The following SORCS3 variants were observed in gnomAD, a reference collection of about 807,000 sequenced individuals.
SORCS3 encodes the protein sortilin related VPS10 domain containing receptor 3, also known as VPS10 domain-containing receptor SorCS3.
In SORCS3, 57 loss-of-function variants were observed where a neutral mutation model predicts 146.3. The ratio of observed to expected loss-of-function variants is 0.39; its 90% CI spans 0.31 to 0.49. The LOEUF (loss-of-function observed/expected upper bound fraction) is 0.49, where lower values mean the gene tolerates loss of function less well. Among genes scored for constraint, SORCS3 ranks in the 20% least tolerant of loss-of-function variants. The pLI is 0.92. For synonymous variants in SORCS3, 653 were observed against 618.5 expected, an observed-to-expected ratio of 1.06 and a Z score of -0.83; for missense variants, 1,341 against 1,575.5, an observed-to-expected ratio of 0.85 and a Z score of 2.52.
At chr10:104,697,657 A>G (rs2016232378) in intron 1 of SORCS3, among the ~76,000 whole-genome samples, 1 of 152,142 alleles carries the variant, frequency 6.6e-6, no homozygotes, top group African/African-American at 2.4e-5. Context: ...TTTATGGATG[A>G]TCACAGGGCT....
intron 1 of SORCS3, among the ~76,000 whole-genome samples, chr10:104,765,531 C>T (rs2017169410): frequency 6.6e-6 from 1 of 152,162 alleles, no homozygotes; most frequent in South Asian, 2.1e-4. Context: ...TGGTACACAG[C>T]AGGTATTCAG....
At chr10:105,143,753 G>T (rs1010406279) in intron 8 of SORCS3, among the ~76,000 whole-genome samples, 5 of 152,152 alleles carry the variant, frequency 3.3e-5, no homozygotes, top group African/African-American at 1.2e-4. Flanking sequence ...TAAAGGAAAA[G>T]AGGAGTTTCA....
At chr10:104,810,978 G>A (rs1227473956) in intron 1 of SORCS3, among the ~76,000 whole-genome samples, 5 of 152,136 alleles carry the variant, frequency 3.3e-5, no homozygotes, top group African/African-American at 1.2e-4. Context: ...ACCACAAAGA[G>A]TGAATTGTAC....
chr10:105,207,520 TG>T (rs1339829973), intron 16 of SORCS3, among the ~76,000 whole-genome samples: 1 of 152,178 alleles, frequency 6.6e-6, no homozygotes, highest in Non-Finnish European at 1.5e-5. Context: ...TCAAACTTTC[TG>T]GTGCATTCTG....
chr10:104,662,538 A>G (rs937709797), intron 1 of SORCS3, among the ~76,000 whole-genome samples: 1 of 152,224 alleles, frequency 6.6e-6, no homozygotes, highest in Non-Finnish European at 1.5e-5. Context: ...GATGAGTTAC[A>G]GAGCCCACTT....
In SORCS3 at chr10:104,661,698, TAGAC is replaced by T. The variant is rs1169860527; in HGVS notation, c.627+19748_627+19751del. ...ATAGATAGATAGATAGATAGATAGA[TAGAC>T]AGATAGATAGATAGATACATATCAT... On this transcript the variant is annotated intron_variant, in intron 1 of 26. Coordinates refer to ENST00000369701, the MANE Select transcript of SORCS3 (RefSeq NM_014978.3). Among the ~76,000 whole-genome samples, 409 of 151,692 alleles carry T rather than the reference TAGAC, an allele frequency of 2.7e-3. 2 individuals are homozygous for T. Among genetic ancestry groups the T allele is most frequent in the African/African-American group, 9.6e-3 (393 of 41,100 alleles).
At chr10:104,845,190 C>T (rs1171735538) in intron 2 of SORCS3, among the ~76,000 whole-genome samples, 1 of 152,176 alleles carries the variant, frequency 6.6e-6, no homozygotes, top group Non-Finnish European at 1.5e-5. Context: ...ATTCCAAATT[C>T]CATCACTTGG....
chr10:104,920,324 A>C (rs540793362), intron 3 of SORCS3, among the ~76,000 whole-genome samples: 1 of 152,352 alleles, frequency 6.6e-6, no homozygotes, highest in East Asian at 1.9e-4. Flanking sequence ...TCCCAAAGCT[A>C]ATTGTTGATT....
At chr10:105,172,062 G>A (rs529811643) in intron 13 of SORCS3, among the ~76,000 whole-genome samples, 1 of 152,240 alleles carries the variant, frequency 6.6e-6, no homozygotes, top group African/African-American at 2.4e-5. Context: ...TTTTCATGCT[G>A]AGCAATAGTA....
rs774727502 is a variant in SORCS3 at position 105,139,385 on chromosome 10, C to G, written c.1213-12C>G. On this transcript the variant is annotated splice_polypyrimidine_tract_variant and intron_variant, in intron 7 of 26. Transcript: ENST00000369701. The stretch of plus-strand genomic sequence containing the variant: ...CCTCATCTGATCTCTTTGTGTTTCC[C>G]CCACAATCTAGGTAACAACTAGTGG... 1 of 1,605,164 alleles carries G rather than the reference C, an allele frequency of 6.2e-7. No individual in the cohort carries two copies. Among genetic ancestry groups the G allele is most frequent in the East Asian group, 2.2e-5 (1 of 44,804 alleles).
chr10:105,005,923 T>G (rs2055092365), intron 4 of SORCS3, among the ~76,000 whole-genome samples: 1 of 152,182 alleles, frequency 6.6e-6, no homozygotes, highest in African/African-American at 2.4e-5. Context: ...TTCACTAAAT[T>G]TCCTCCTCTC....
intron 3 of SORCS3, among the ~76,000 whole-genome samples, chr10:104,966,841 G>A (rs1003582853): frequency 3.9e-5 from 6 of 152,110 alleles, no homozygotes; most frequent in African/African-American, 1.4e-4. Flanking sequence ...ACTAAGCATA[G>A]CCCCTGCCTG....
At chr10:104,672,875 T>C (rs1352618625) in intron 1 of SORCS3, among the ~76,000 whole-genome samples, 2 of 152,210 alleles carry the variant, frequency 1.3e-5, no homozygotes, top group Non-Finnish European at 1.5e-5. Context: ...CTTCAACTGT[T>C]ATTATGAAGC....
At chr10:104,972,420 G>A (rs2054865946) in intron 3 of SORCS3, among the ~76,000 whole-genome samples, 1 of 152,144 alleles carries the variant, frequency 6.6e-6, no homozygotes. Flanking sequence ...TTTGCTCAAG[G>A]ACCTTTGGGG....
chr10:104,876,981 A>G (rs902154309), intron 2 of SORCS3, among the ~76,000 whole-genome samples: 8 of 152,078 alleles, frequency 5.3e-5, no homozygotes, highest in Non-Finnish European at 1.2e-4. Flanking sequence ...TGGGACCACA[A>G]GTACATGTCA....
At chr10:105,077,455 T>C (rs1173706088) in intron 5 of SORCS3, among the ~76,000 whole-genome samples, 1 of 151,892 alleles carries the variant, frequency 6.6e-6, no homozygotes, top group Non-Finnish European at 1.5e-5. Context: ...ATCGTGCATA[T>C]TCTGAGCAAC....
chr10:105,103,315 G>A (rs927275509), intron 6 of SORCS3, among the ~76,000 whole-genome samples: 1 of 152,028 alleles, frequency 6.6e-6, no homozygotes, highest in Admixed American at 6.6e-5. Flanking sequence ...CCCCTTAAGC[G>A]TTTGAGTTTA....
intron 1 of SORCS3, among the ~76,000 whole-genome samples, chr10:104,799,803 G>A (rs2017603482): frequency 6.6e-6 from 1 of 151,972 alleles, no homozygotes; most frequent in Non-Finnish European, 1.5e-5. Flanking sequence ...AGCCTCCTGA[G>A]TAGCTGGGAC....
At chr10:104,749,251 G>C (rs2016954459) in intron 1 of SORCS3, among the ~76,000 whole-genome samples, 1 of 151,836 alleles carries the variant, frequency 6.6e-6, no homozygotes, top group Non-Finnish European at 1.5e-5. Context: ...GTGTGTGTGT[G>C]TGTGTGTGTG....
Sources: gnomAD v4.1 joint callset for allele counts (sites outside exome capture counted in the v4.1 genomes callset) on GRCh38, gnomAD v4.1.1 for gene constraint, MANE v1.5 for transcripts, NCBI Gene and HGNC (gene_info 2026-07-23, HGNC 2026-07-21) for gene names.